The following PCDHGB1 variants were observed in gnomAD, a reference collection of about 807,000 sequenced individuals.
PCDHGB1 encodes the protein protocadherin gamma-B1.
A neutral mutation model predicts 56.6 loss-of-function variants in PCDHGB1; 34 were observed. That is an observed-to-expected ratio of 0.60 (90% CI 0.46 to 0.80). The LOEUF (loss-of-function observed/expected upper bound fraction) is 0.80. Ranked by LOEUF, PCDHGB1 falls within the 30% of genes least tolerant of loss-of-function variation. PCDHGB1 has a pLI of 0.00. For missense variants in PCDHGB1, 1,278 were observed against 1,204.6 expected, an observed-to-expected ratio of 1.06 and a Z score of -0.90; for synonymous variants, 561 against 505.9, an observed-to-expected ratio of 1.11 and a Z score of -1.46.
chr5:141,511,031 A>G lies in PCDHGB1; in HGVS notation c.2642A>G (p.Gln881Arg). 6.2e-7 allele frequency: 1 copy of G among 1,614,244 alleles called. No individual in the cohort carries two copies. The highest frequency in any genetic ancestry group is 8.5e-7 in the Non-Finnish European group (1 of 1,180,034). ...SARYGPQFTL[Q>R]HVPDYRQNVY... Reference sequence around the variant, plus strand: ...CGCTACGGACCCCAGTTCACCCTGCAGCACGTGCCCGACTACCGCCAGAAT... The same window carrying G: ...CGCTACGGACCCCAGTTCACCCTGCGGCACGTGCCCGACTACCGCCAGAAT... The change falls in exon 4 of 4, where the codon CAG (glutamine) becomes CGG (arginine). Residue 881 changes from glutamine to arginine, a missense_variant. Gln to Arg is a conservative substitution (Grantham distance 43). Coordinates refer to ENST00000523390, the MANE Select transcript of PCDHGB1 (RefSeq NM_018922.3).
intron 1 of PCDHGB1, among the ~76,000 whole-genome samples, chr5:141,397,265 A>G (rs2093498946): frequency 6.6e-6 from 1 of 152,210 alleles, no homozygotes; most frequent in Non-Finnish European, 1.5e-5. Context: ...TTTCTTAGCT[A>G]CATCATATGG....
Position 141,505,374 on chromosome 5 carries a change from C to T in PCDHGB1, c.2469-19C>T. The T allele has an allele frequency of 2.5e-6, 4 of 1,614,004 alleles. No homozygotes were observed. Among genetic ancestry groups the T allele is most frequent in the Non-Finnish European group, 2.5e-6 (3 of 1,179,944 alleles). On this transcript the variant is annotated intron_variant, in intron 2 of 3. Coordinates refer to ENST00000523390, the MANE Select transcript of PCDHGB1 (RefSeq NM_018922.3). Reference sequence around the variant, plus strand: ...TGCCGGCCTGGGAGTCTGTGCTCACCATCCTACTCTCTCCCCAGCTCCCAA... The same window carrying T: ...TGCCGGCCTGGGAGTCTGTGCTCACTATCCTACTCTCTCCCCAGCTCCCAA...
intron 1 of PCDHGB1, among the ~76,000 whole-genome samples, chr5:141,420,581 C>T (rs1024544346): frequency 2.6e-5 from 4 of 151,994 alleles, no homozygotes; most frequent in Admixed American, 6.5e-5. Flanking sequence ...TAATTGAAAC[C>T]CTGATGCTAC....
chr5:141,500,484 C>T (rs2099800696), intron 2 of PCDHGB1, among the ~76,000 whole-genome samples: 1 of 152,304 alleles, frequency 6.6e-6, no homozygotes, highest in Non-Finnish European at 1.5e-5. Context: ...GCTGGGATTA[C>T]AGGCGTGAGC....
intron 1 of PCDHGB1, chr5:141,411,909 A>T (rs1176626028): frequency 6.6e-6 from 1 of 152,204 alleles, no homozygotes; most frequent in Non-Finnish European, 1.5e-5. Flanking sequence ...TTGCCTTTGC[A>T]CTCAGTCTCT....
intron 1 of PCDHGB1, chr5:141,410,046 G>T: frequency 6.2e-7 from 1 of 1,613,174 alleles, no homozygotes; most frequent in Non-Finnish European, 8.5e-7. Context: ...AGTGAGCCCG[G>T]ACTCTTCAGC....
At chr5:141,374,258 T>G (rs1770318137) in intron 1 of PCDHGB1, 2 of 1,613,806 alleles carry the variant, frequency 1.2e-6, no homozygotes, top group African/African-American at 1.3e-5. Flanking sequence ...GCCCCAGGAG[T>G]TGGCGGAGCA....
At chr5:141,464,976 A>G (rs2154568682) in intron 1 of PCDHGB1, among the ~76,000 whole-genome samples, 1 of 152,214 alleles carries the variant, frequency 6.6e-6, no homozygotes, top group East Asian at 1.9e-4. Flanking sequence ...TACTGGCTTC[A>G]AGTGATCCTC....
At chr5:141,439,898 C>A (rs1428014089) in intron 1 of PCDHGB1, 2 of 152,344 alleles carry the variant, frequency 1.3e-5, no homozygotes, top group African/African-American at 4.8e-5. Flanking sequence ...ACCAAGGCGA[C>A]TACTGCCTCC....
chr5:141,489,077 C>G lies in PCDHGB1; in HGVS notation c.2410-5730C>G, dbSNP rs957205894. On this transcript the variant is annotated intron_variant, in intron 1 of 3. Coordinates refer to ENST00000523390, the MANE Select transcript of PCDHGB1 (RefSeq NM_018922.3). The surrounding 1 kb of genome is among the most constrained non-coding windows in gnomAD (Gnocchi z 4.5). The stretch of plus-strand genomic sequence containing the variant: ...AGCTCCCCTCCCCCCTGCCCACCCC[C>G]GCCACTCGGTGACTAAGAACTGCTG... 7 of 325,684 alleles carry G rather than the reference C, an allele frequency of 2.1e-5. No homozygotes were observed. Among genetic ancestry groups the G allele is most frequent in the Non-Finnish European group, 3.9e-5 (7 of 181,468 alleles). The allele number at this position is 325,684 out of a possible 1,614,324, so 20.2% of individuals were successfully genotyped here.
At chr5:141,497,307 C>T (rs1295364802) in intron 2 of PCDHGB1, among the ~76,000 whole-genome samples, 1 of 152,096 alleles carries the variant, frequency 6.6e-6, no homozygotes, top group Non-Finnish European at 1.5e-5. Flanking sequence ...CCAGGCCATA[C>T]ACTGGCTTTG....
At chr5:141,443,872 A>G (rs1446612063) in intron 1 of PCDHGB1, among the ~76,000 whole-genome samples, 1 of 152,212 alleles carries the variant, frequency 6.6e-6, no homozygotes, top group South Asian at 2.1e-4. Context: ...AAAATTACTG[A>G]TAAGTCAAGA....
Position 141,388,463 on chromosome 5 carries a change from G to A in PCDHGB1, c.2409+35794G>A, listed in dbSNP as rs367941349. Reference sequence around the variant, plus strand: ...AATCAGATGGCAGTAAATACCCTGAGATGGTATTGAAGACACCTTTGGACA... The same window carrying A: ...AATCAGATGGCAGTAAATACCCTGAAATGGTATTGAAGACACCTTTGGACA... On this transcript the variant is annotated intron_variant, in intron 1 of 3. Coordinates refer to ENST00000523390, the MANE Select transcript of PCDHGB1 (RefSeq NM_018922.3). 143 of 1,613,666 alleles carry A rather than the reference G, an allele frequency of 8.9e-5. 2 individuals are homozygous for A. The highest frequency in any genetic ancestry group is 1.3e-5 in the Non-Finnish European group (15 of 1,179,854).
intron 1 of PCDHGB1, chr5:141,416,389 T>A (rs2096020280): frequency 6.6e-6 from 1 of 152,236 alleles, no homozygotes; most frequent in Non-Finnish European, 1.5e-5. Context: ...TATTTGGGAT[T>A]CTGCTTTTGT....
chr5:141,435,104 G>A (rs1009839042), intron 1 of PCDHGB1, among the ~76,000 whole-genome samples: 1 of 151,968 alleles, frequency 6.6e-6, no homozygotes, highest in Non-Finnish European at 1.5e-5. Flanking sequence ...TTATCTAGGG[G>A]GGAGAAATCT....
At chr5:141,430,834 G>T (rs1317415848) in intron 1 of PCDHGB1, 1 of 1,557,712 alleles carries the variant, frequency 6.4e-7, no homozygotes, top group Non-Finnish European at 8.7e-7. Context: ...CTCTGTGGGA[G>T]ACCGGATGCA....
intron 1 of PCDHGB1, chr5:141,393,798 G>C (rs1228076034): frequency 1.2e-6 from 2 of 1,613,876 alleles, no homozygotes; most frequent in Non-Finnish European, 1.7e-6. Flanking sequence ...GGCACTTCTG[G>C]GGAGGACCAA....
intron 1 of PCDHGB1, among the ~76,000 whole-genome samples, chr5:141,460,959 A>ATG (rs1248175237): frequency 7.9e-6 from 1 of 126,082 alleles, no homozygotes; most frequent in Non-Finnish European, 1.6e-5. Flanking sequence ...ATGTATATAT[A>ATG]TATGTGTGTG....
At chr5:141,364,971 C>G in intron 1 of PCDHGB1, 3 of 1,613,916 alleles carry the variant, frequency 1.9e-6, no homozygotes, top group Non-Finnish European at 2.5e-6. Flanking sequence ...CTCCTCACAG[C>G]TTTAGATGGC....
Sources: allele counts gnomAD v4.1 joint callset (sites outside exome capture counted in the v4.1 genomes callset), GRCh38; gene constraint gnomAD v4.1.1; non-coding constraint Gnocchi (gnomAD v3.1); transcripts MANE v1.5; gene names NCBI Gene and HGNC (gene_info 2026-07-23, HGNC 2026-07-21).